Variants in MTUS2 observed in about 807,000 individuals in gnomAD.
MTUS2 encodes the protein microtubule associated scaffold protein 2, also known as microtubule-associated tumor suppressor candidate 2.
MTUS2 carries 40 observed loss-of-function variants against 114.1 expected under a neutral mutation model. The observed-to-expected ratio is 0.35, with a 90% CI of 0.27 to 0.46. The LOEUF is 0.46. MTUS2 is among the 20% of genes least tolerant of loss of function. MTUS2 has a pLI of 1.00. For synonymous variants in MTUS2, 688 were observed against 672.0 expected (o/e 1.02, Z -0.37); for missense variants, 1,679 against 1,705.4 (o/e 0.98, Z 0.27).
intron 8 of MTUS2, among the ~76,000 whole-genome samples, chr13:29,427,783 T>A (rs1221301415): frequency 1.3e-5 from 2 of 152,248 alleles, no homozygotes; most frequent in Non-Finnish European, 2.9e-5. Context: ...ACTGTAATTG[T>A]GTATTTCTAA....
intron 2 of MTUS2, among the ~76,000 whole-genome samples, chr13:29,023,991 A>G (rs1159101799): frequency 6.6e-6 from 1 of 152,222 alleles, no homozygotes; most frequent in East Asian, 1.9e-4. Flanking sequence ...AGCCTGGGGG[A>G]AGATACTTTA....
chr13:29,204,366 C>T (rs1183317619), intron 5 of MTUS2, among the ~76,000 whole-genome samples: 4 of 152,178 alleles, frequency 2.6e-5, no homozygotes, highest in Non-Finnish European at 5.9e-5. Context: ...TGCGGATGGG[C>T]CGGGGTTGCC....
chr13:28,953,167 ATT>A (rs113539534), intron 2 of MTUS2, among the ~76,000 whole-genome samples: 17 of 138,144 alleles, frequency 1.2e-4, no homozygotes, highest in Admixed American at 2.2e-4. Flanking sequence ...TTTCCTATTC[ATT>A]TTTTTTTTTT....
chr13:29,126,844 T>C (rs1891539298), intron 5 of MTUS2, among the ~76,000 whole-genome samples: 1 of 152,222 alleles, frequency 6.6e-6, no homozygotes, highest in South Asian at 2.1e-4. Context: ...CTGGCCACTT[T>C]GTACACCAGT....
chr13:28,870,333 A>G (rs1877546548), intron 2 of MTUS2, among the ~76,000 whole-genome samples: 1 of 152,180 alleles, frequency 6.6e-6, no homozygotes, highest in Admixed American at 6.5e-5. Context: ...AAACAACAAC[A>G]ATCTTGATAT....
chr13:28,850,282 C>T (rs977407161), intron 2 of MTUS2, among the ~76,000 whole-genome samples: 11 of 152,222 alleles, frequency 7.2e-5, no homozygotes, highest in Non-Finnish European at 1.0e-4. Context: ...ATACATTCCC[C>T]TCTGTATAGG....
In MTUS2 at chr13:28,872,905, G is replaced by C. The variant is rs115023520; in HGVS notation, c.-243+33055G>C. Among the ~76,000 whole-genome samples, 1,297 of 152,232 alleles carry C rather than the reference G, an allele frequency of 8.5e-3. 22 individuals carry two copies. The highest frequency in any genetic ancestry group is 0.03 in the African/African-American group (1,246 of 41,538). On this transcript the variant is annotated intron_variant, in intron 2 of 15. Transcript: ENST00000612955. ...TTATGGCTGAGAATTTTCCAAATCT[G>C]ATGAAAGATATGATAGATTCAGGAA...
rs556849951 is a variant in MTUS2, at chr13:29,208,162, G to A, written c.2645-73542G>A. On this transcript the variant is annotated intron_variant, in intron 5 of 15. Transcript: ENST00000612955. ...TTCCTGCCTGGTTTAATCTAGGAAG[G>A]TTTTATATTTCCAGCAATTTATCCA... Among the ~76,000 whole-genome samples, 6 of 152,092 alleles carry A rather than the reference G, an allele frequency of 3.9e-5. No individual in the cohort carries two copies. In the East Asian group the frequency reaches 1.2e-3, roughly 29 times the overall value.
At chr13:29,033,329 C>A (rs1886913115) in intron 3 of MTUS2, among the ~76,000 whole-genome samples, 1 of 152,248 alleles carries the variant, frequency 6.6e-6, no homozygotes, top group East Asian at 1.9e-4. Context: ...TAGTACAGAT[C>A]TGAAAATACA....
chr13:29,374,157 A>G (rs1220856763), intron 8 of MTUS2, among the ~76,000 whole-genome samples: 1 of 144,894 alleles, frequency 6.9e-6, no homozygotes, highest in Non-Finnish European at 1.6e-5. Context: ...TCTGAACAAC[A>G]GAAAGAAAAT....
chr13:29,094,547 A>G (rs780928812), intron 4 of MTUS2, among the ~76,000 whole-genome samples: 36 of 151,952 alleles, frequency 2.4e-4, no homozygotes, highest in Non-Finnish European at 4.6e-4. Context: ...TTTCATTCCT[A>G]ATTTTAGTAA....
intron 9 of MTUS2, among the ~76,000 whole-genome samples, chr13:29,479,433 G>A (rs1344213157): frequency 3.3e-5 from 5 of 152,204 alleles, no homozygotes; most frequent in Non-Finnish European, 2.9e-5. Context: ...AGCTCAGGCA[G>A]GAGCGATGGT....
chr13:29,358,201 C>G (rs775254492), intron 7 of MTUS2, among the ~76,000 whole-genome samples: 8 of 152,218 alleles, frequency 5.3e-5, no homozygotes, highest in Non-Finnish European at 1.2e-4. Context: ...TCTCCGACCG[C>G]CTGCACATCC....
chr13:29,083,178 A>G (rs1484087378), intron 4 of MTUS2, among the ~76,000 whole-genome samples: 2 of 152,322 alleles, frequency 1.3e-5, no homozygotes, highest in African/African-American at 2.4e-5. Flanking sequence ...GGAATTTAGC[A>G]TGGTGGCAAG....
intron 2 of MTUS2, among the ~76,000 whole-genome samples, chr13:29,017,992 C>G (rs573322260): frequency 6.6e-6 from 1 of 152,120 alleles, no homozygotes; most frequent in Non-Finnish European, 1.5e-5. Flanking sequence ...TATGACAGTT[C>G]CAAAAGGAAA....
At chr13:29,310,987 T>C (rs932109709) in intron 6 of MTUS2, among the ~76,000 whole-genome samples, 5 of 152,202 alleles carry the variant, frequency 3.3e-5, no homozygotes, top group Non-Finnish European at 5.9e-5. Context: ...CAAACTTTCA[T>C]TGATGTTAGA....
At chr13:28,890,271 G>A (rs1480331533) in intron 2 of MTUS2, among the ~76,000 whole-genome samples, 1 of 152,090 alleles carries the variant, frequency 6.6e-6, no homozygotes, top group African/African-American at 2.4e-5. Context: ...CATGCTTTTT[G>A]CTGTATATAA....
At chr13:28,872,890 G>T (rs1003218934) in intron 2 of MTUS2, among the ~76,000 whole-genome samples, 1 of 152,134 alleles carries the variant, frequency 6.6e-6, no homozygotes, top group Non-Finnish European at 1.5e-5. Context: ...TTATGGCTGA[G>T]AATTTTCCAA....
intron 7 of MTUS2, among the ~76,000 whole-genome samples, chr13:29,357,734 T>C (rs540837681): frequency 4.6e-4 from 70 of 152,344 alleles, no homozygotes; most frequent in African/African-American, 1.5e-3. Flanking sequence ...ATAAACACAG[T>C]TTCTATGAAG....
Sources: gnomAD v4.1 joint callset for allele counts (sites outside exome capture counted in the v4.1 genomes callset) on GRCh38, gnomAD v4.1.1 for gene constraint, MANE v1.5 for transcripts, NCBI Gene and HGNC (gene_info 2026-07-23, HGNC 2026-07-21) for gene names.